The following DCC variants were observed in gnomAD, a reference collection of about 807,000 sequenced individuals.
The protein encoded by DCC is netrin receptor DCC.
Under a neutral mutation model 172.5 loss-of-function variants are expected in DCC, and 58 were observed. That is an observed-to-expected ratio of 0.34 (90% CI 0.27 to 0.42). The LOEUF (loss-of-function observed/expected upper bound fraction) is 0.42. Among genes scored for constraint, DCC ranks in the 10% least tolerant of loss-of-function variants. The pLI is 1.00. For missense variants in DCC, 1,740 were observed against 1,791.0 expected (o/e 0.97, Z 0.51); for synonymous variants, 709 against 644.5 (o/e 1.10, Z -1.52).
chr18:53,352,412 G>A (rs546698555), intron 15 of DCC, among the ~76,000 whole-genome samples: 6 of 151,950 alleles, frequency 3.9e-5, no homozygotes, highest in Admixed American at 3.3e-4. Flanking sequence ...AATTATTTAG[G>A]ATTGTTATGT....
intron 12 of DCC, among the ~76,000 whole-genome samples, chr18:53,261,044 C>T (rs1042677157): frequency 1.3e-5 from 2 of 152,100 alleles, no homozygotes; most frequent in Non-Finnish European, 2.9e-5. Context: ...TTGCTAAGAC[C>T]GTTGGAAAAG....
intron 7 of DCC, among the ~76,000 whole-genome samples, chr18:53,154,287 C>T (rs146826267): frequency 5.5e-4 from 84 of 152,244 alleles, no homozygotes; most frequent in African/African-American, 1.9e-3. Context: ...CCTCCCTGCC[C>T]TGTCTCACTT....
rs1479275246 is a variant in DCC, at chr18:53,223,059, A to T, written c.1911+7462A>T. ...TAAAGGACATTTATGCATAACTAGA[A>T]TAGGATATTGAGAACCTTCTGTGAC... On this transcript the variant is annotated intron_variant, in intron 12 of 28. Coordinates refer to ENST00000442544, the MANE Select transcript of DCC (RefSeq NM_005215.4). Among the ~76,000 whole-genome samples the T allele has an allele frequency of 4.6e-5, 7 of 152,124 alleles. No homozygotes were observed. In the East Asian group the frequency reaches 1.3e-3, roughly 29 times the overall value.
intron 15 of DCC, among the ~76,000 whole-genome samples, chr18:53,382,808 T>C (rs1907870257): frequency 6.6e-6 from 1 of 152,132 alleles, no homozygotes; most frequent in Admixed American, 6.6e-5. Context: ...TATAATCTTA[T>C]TTTATTCTTC....
intron 1 of DCC, among the ~76,000 whole-genome samples, chr18:52,639,248 G>A (rs1457496995): frequency 2.0e-5 from 3 of 151,922 alleles, no homozygotes; most frequent in Admixed American, 6.6e-5. Flanking sequence ...CACACCTCAA[G>A]GAGCTAGAAG....
At chr18:52,422,603 A>T (rs957129731) in intron 1 of DCC, among the ~76,000 whole-genome samples, 1 of 152,170 alleles carries the variant, frequency 6.6e-6, no homozygotes, top group African/African-American at 2.4e-5. Context: ...TACAAACTAC[A>T]ATGAATGTGC....
At chr18:53,516,326 A>C (rs1335577427) in intron 27 of DCC, among the ~76,000 whole-genome samples, 5 of 147,874 alleles carry the variant, frequency 3.4e-5, no homozygotes, top group Non-Finnish European at 5.9e-5. Flanking sequence ...CTTAAACGTT[A>C]GACCTAAAAC....
chr18:53,472,178 T>G (rs889203682), intron 25 of DCC, among the ~76,000 whole-genome samples: 1 of 152,192 alleles, frequency 6.6e-6, no homozygotes, highest in Non-Finnish European at 1.5e-5. Flanking sequence ...GTTCAAGTCA[T>G]GTAGTAAGCA....
At chr18:53,231,089 A>G (rs1366822083) in intron 12 of DCC, among the ~76,000 whole-genome samples, 1 of 151,886 alleles carries the variant, frequency 6.6e-6, no homozygotes, top group African/African-American at 2.4e-5. Flanking sequence ...GAAGTTTCCT[A>G]TGGGATATGG....
At chr18:52,872,843 A>T (rs549431572) in intron 2 of DCC, among the ~76,000 whole-genome samples, 1 of 152,298 alleles carries the variant, frequency 6.6e-6, no homozygotes, top group South Asian at 2.1e-4. Context: ...CTCAGTGATG[A>T]TATAACACTT....
At chr18:52,778,129 A>G (rs2037466645) in intron 2 of DCC, among the ~76,000 whole-genome samples, 4 of 152,218 alleles carry the variant, frequency 2.6e-5, no homozygotes, top group Admixed American at 2.6e-4. Flanking sequence ...TCAGTAAATA[A>G]TGTCTAAAGT....
chr18:53,252,616 C>A (rs2056452477), intron 12 of DCC, among the ~76,000 whole-genome samples: 2 of 151,804 alleles, frequency 1.3e-5, no homozygotes, highest in Non-Finnish European at 2.9e-5. Flanking sequence ...GAGGTGTGAA[C>A]CATCACCAAG....
At chr18:53,286,506 T>C (rs1452946619) in intron 12 of DCC, among the ~76,000 whole-genome samples, 1 of 152,216 alleles carries the variant, frequency 6.6e-6, no homozygotes, top group East Asian at 1.9e-4. Context: ...CTTTCTTTTG[T>C]AAATTGCCCA....
intron 15 of DCC, among the ~76,000 whole-genome samples, chr18:53,347,900 A>G (rs1012034775): frequency 2.1e-4 from 32 of 152,174 alleles, no homozygotes; most frequent in Admixed American, 2.6e-4. Context: ...TGTTCCTATA[A>G]TTCAGCCACC....
chr18:53,107,021 A>G (rs1255387788), intron 7 of DCC, among the ~76,000 whole-genome samples: 1 of 151,886 alleles, frequency 6.6e-6, no homozygotes, highest in Non-Finnish European at 1.5e-5. Context: ...TGAATCTGTT[A>G]AGTCCTGGGT....
Position 53,277,838 on chromosome 18 carries a change from T to C in DCC, c.1912-27740T>C, listed in dbSNP as rs2056823448. 2.0e-5 allele frequency among the ~76,000 whole-genome samples: 3 copies of C among 152,220 alleles called. No individual in the cohort carries two copies. In the South Asian group the frequency reaches 6.2e-4, roughly 32 times the overall value. ...TGCATATTTGTAAAATCACCAACTA[T>C]GATGAGAGTCCACGGGATAGCAATT... is the stretch of plus-strand genomic sequence containing the variant. On this transcript the variant is annotated intron_variant, in intron 12 of 28. Coordinates refer to ENST00000442544, the MANE Select transcript of DCC (RefSeq NM_005215.4).
intron 12 of DCC, among the ~76,000 whole-genome samples, chr18:53,289,635 AT>A (rs1399444810): frequency 6.6e-6 from 1 of 152,170 alleles, no homozygotes. Context: ...AATGTAAATT[AT>A]AGTGAGATTT....
In DCC at chr18:53,428,012, A is replaced by G. The variant is rs1257655258; in HGVS notation, c.3164-7132A>G. ...ATATTATAATAATATATAATATAAT[A>G]CTATAATAATATAGAATATATCATA... On this transcript the variant is annotated intron_variant, in intron 21 of 28. Transcript: ENST00000442544. Among the ~76,000 whole-genome samples, 3 of 76,178 alleles carry G rather than the reference A, an allele frequency of 3.9e-5. 1 individual carries two copies. The highest frequency in any genetic ancestry group is 7.6e-5 in the Non-Finnish European group (3 of 39,370). 50.0% of individuals were successfully genotyped at this position (76,178 alleles called of 152,430 possible).
chr18:53,511,044 T>C (rs553962080), intron 27 of DCC, among the ~76,000 whole-genome samples: 199 of 152,230 alleles, frequency 1.3e-3, no homozygotes, highest in Non-Finnish European at 2.5e-3. Flanking sequence ...TGAATTTTGA[T>C]TTTCCTATCC....
Sources: allele counts gnomAD v4.1 joint callset (sites outside exome capture counted in the v4.1 genomes callset), GRCh38; gene constraint gnomAD v4.1.1; transcripts MANE v1.5; gene names NCBI Gene and HGNC (gene_info 2026-07-23, HGNC 2026-07-21).